TGM6: variants seen among roughly 807,000 people sequenced by gnomAD.
The protein encoded by TGM6 is transglutaminase 6.
A neutral mutation model predicts 77.5 loss-of-function variants in TGM6; 74 were observed. The ratio of observed to expected loss-of-function variants is 0.96; its 90% CI spans 0.79 to 1.16. The LOEUF is 1.16. Among genes scored for constraint, TGM6 ranks in the 50% most tolerant of loss-of-function variants. The pLI, the probability that TGM6 is intolerant of heterozygous loss-of-function variation, is 0.00. For missense variants in TGM6, 968 were observed against 940.2 expected (o/e 1.03, Z -0.39); for synonymous variants, 383 against 378.9 (o/e 1.01, Z -0.12).
Position 2,422,536 on chromosome 20 carries a change from T to G in TGM6, c.1678+4963T>G, listed in dbSNP as rs570450841. 2.6e-5 allele frequency among the ~76,000 whole-genome samples: 4 copies of G among 152,320 alleles called. No individual in the cohort carries two copies. The East Asian group carries it at 7.7e-4, about 29-fold the overall frequency. ...TTTGGTTTCCCAGTGCATATAAAAG[T>G]TATATTTACATTATACTGTAGTCTA... On this transcript the variant is annotated intron_variant, in intron 10 of 12. Transcript: ENST00000202625.
intron 9 of TGM6, among the ~76,000 whole-genome samples, chr20:2,409,647 G>T (rs1027871004): frequency 2.0e-5 from 3 of 151,818 alleles, no homozygotes; most frequent in Non-Finnish European, 4.4e-5. Flanking sequence ...GGGAGGCGGA[G>T]GTTGCAGTGA....
chr20:2,420,388 C>T lies in TGM6; in HGVS notation c.1678+2815C>T, dbSNP rs567585050. 4.6e-5 allele frequency among the ~76,000 whole-genome samples: 7 copies of T among 152,172 alleles called. No homozygotes were observed. The East Asian group carries it at 1.4e-3, about 29-fold the overall frequency. On this transcript the variant is annotated intron_variant, in intron 10 of 12. Transcript: ENST00000202625. ...GGGAAGTACAGAGAGTTCCCATACC[C>T]CTGTCCACCACCACGCCTCTCCTCC...
chr20:2,396,899 C>T (rs1374883307), intron 4 of TGM6, among the ~76,000 whole-genome samples: 6 of 152,050 alleles, frequency 3.9e-5, no homozygotes, highest in Non-Finnish European at 7.4e-5. Flanking sequence ...TTTTCAAACA[C>T]GAGCGTACAT....
chr20:2,403,131 G>C (rs2084722602), intron 7 of TGM6, among the ~76,000 whole-genome samples: 1 of 152,210 alleles, frequency 6.6e-6, no homozygotes, highest in African/African-American at 2.4e-5. Flanking sequence ...TAAGCAGCAT[G>C]AGAGTAAAGA....
chr20:2,408,855 A>G (rs182537110), intron 9 of TGM6, among the ~76,000 whole-genome samples: 7 of 152,224 alleles, frequency 4.6e-5, no homozygotes, highest in Admixed American at 4.6e-4. Context: ...GTAAAAGTAA[A>G]CAAATAAGTA....
At chr20:2,410,558 A>T (rs2084778851) in intron 9 of TGM6, among the ~76,000 whole-genome samples, 1 of 152,192 alleles carries the variant, frequency 6.6e-6, no homozygotes, top group Admixed American at 6.5e-5. Context: ...TCTGTAGCAA[A>T]GTTGGACAGA....
At position 2,417,469 on chromosome 20, in the gene TGM6, A is replaced by T; in HGVS notation, c.1574A>T (p.Gln525Leu). 2.5e-6 allele frequency: 4 copies of T among 1,610,818 alleles called. No homozygotes were observed. Among genetic ancestry groups the T allele is most frequent in the Non-Finnish European group, 3.4e-6 (4 of 1,179,944 alleles). Residue 525 changes from glutamine (Q) to leucine (L), a missense_variant, in exon 10 of 13, where the codon CAG (glutamine) becomes CTG (leucine). Coordinates refer to ENST00000202625, the MANE Select transcript of TGM6 (RefSeq NM_198994.3). ...TTGGCCAACCTCACCTCCCGGGCCC[A>T]GCGGGTGAGGGTCAACCTGAGCGGT... is the stretch of plus-strand genomic sequence containing the variant. ...LCLANLTSRA[Q>L]RVRVNLSGAT...
intron 9 of TGM6, among the ~76,000 whole-genome samples, chr20:2,404,843 G>A (rs1048082442): frequency 1.3e-5 from 2 of 152,074 alleles, no homozygotes; most frequent in African/African-American, 2.4e-5. Context: ...GTTTCACCAT[G>A]TTGGCCAGGC....
At position 2,403,603 on chromosome 20, in the gene TGM6, C is replaced by T; in HGVS notation, c.1116C>T (p.Ala372=). The T allele has an allele frequency of 6.2e-7, 1 of 1,614,172 alleles. No homozygotes were observed. Among genetic ancestry groups the T allele is most frequent in the Non-Finnish European group, 8.5e-7 (1 of 1,180,036 alleles). The stretch of plus-strand genomic sequence containing the variant: ...CAGGTGTGTTCCGGTGCGGCCCAGC[C>T]TCAGTCACCGCCATCCGCGAGGGTG... The part of the protein sequence containing the change: ...ESEGVFRCGP[A]SVTAIREGDV... The change falls in exon 9 of 13, where the codon GCC becomes GCT. Residue 372 remains alanine, a synonymous_variant. Coordinates refer to ENST00000202625, the MANE Select transcript of TGM6 (RefSeq NM_198994.3).
intron 10 of TGM6, among the ~76,000 whole-genome samples, chr20:2,426,265 A>G (rs547314494): frequency 2.0e-3 from 302 of 152,126 alleles, no homozygotes; most frequent in Non-Finnish European, 3.3e-3. Flanking sequence ...TGGTGCTAAC[A>G]TAAGTGGTAT....
intron 9 of TGM6, among the ~76,000 whole-genome samples, chr20:2,406,863 A>C (rs1396022250): frequency 1.4e-5 from 2 of 141,508 alleles, no homozygotes; most frequent in Non-Finnish European, 3.1e-5. Context: ...AAAAAAAAAA[A>C]AAACCATGGC....
chr20:2,427,139 G>A (rs2084893284), intron 10 of TGM6, among the ~76,000 whole-genome samples: 1 of 152,112 alleles, frequency 6.6e-6, no homozygotes, highest in African/African-American at 2.4e-5. Flanking sequence ...AATGTGTTCT[G>A]GTTTGGAAGG....
intron 4 of TGM6, 76 bp from the exon 5 acceptor site, chr20:2,397,842 C>G: frequency 6.2e-7 from 1 of 1,612,216 alleles, no homozygotes; most frequent in Non-Finnish European, 8.5e-7. Flanking sequence ...GGTGACTGAC[C>G]GGGTGAGGGC....
At chr20:2,385,571 G>A (rs1392947427) in intron 1 of TGM6, among the ~76,000 whole-genome samples, 1 of 152,138 alleles carries the variant, frequency 6.6e-6, no homozygotes, top group Non-Finnish European at 1.5e-5. Flanking sequence ...CATGTCAGAG[G>A]CCTCACACAC....
chr20:2,401,565 C>G (rs1485892548), intron 7 of TGM6, among the ~76,000 whole-genome samples: 1 of 152,188 alleles, frequency 6.6e-6, no homozygotes, highest in Non-Finnish European at 1.5e-5. Context: ...TAACGTAACA[C>G]CCACCAAGCA....
intron 1 of TGM6, among the ~76,000 whole-genome samples, chr20:2,384,721 G>A (rs2084582573): frequency 6.6e-6 from 1 of 152,172 alleles, no homozygotes; most frequent in Non-Finnish European, 1.5e-5. Flanking sequence ...TAGTTGCTGT[G>A]CAGAGTGAAA....
At chr20:2,390,165 G>A (rs1280329841) in intron 1 of TGM6, among the ~76,000 whole-genome samples, 1 of 152,146 alleles carries the variant, frequency 6.6e-6, no homozygotes. Context: ...TGCCGTGAGC[G>A]ATGAGCCCTT....
chr20:2,414,470 A>G (rs1389109259), intron 9 of TGM6, among the ~76,000 whole-genome samples: 1 of 152,246 alleles, frequency 6.6e-6, no homozygotes, highest in Non-Finnish European at 1.5e-5. Flanking sequence ...GTGGAAATTT[A>G]CAATTGTGCA....
chr20:2,405,001 T>C (rs2084739892), intron 9 of TGM6, among the ~76,000 whole-genome samples: 1 of 152,196 alleles, frequency 6.6e-6, no homozygotes, highest in Non-Finnish European at 1.5e-5. Flanking sequence ...AAACAATAAT[T>C]ACTTATTTGG....
Sources: allele counts gnomAD v4.1 joint callset (sites outside exome capture counted in the v4.1 genomes callset), GRCh38; gene constraint gnomAD v4.1.1; transcripts MANE v1.5; gene names NCBI Gene and HGNC (gene_info 2026-07-23, HGNC 2026-07-21).